CFDP1: variants seen among roughly 807,000 people sequenced by gnomAD.
CFDP1 encodes chromatin remodeling protein CFDP1, also known as heterochromatin-stabilizing protein CFDP1.
Under a neutral mutation model 40.1 loss-of-function variants are expected in CFDP1, and 31 were observed. The observed-to-expected ratio is 0.77, with a 90% confidence interval of 0.58 to 1.04. The LOEUF (loss-of-function observed/expected upper bound fraction) is 1.04. Ranked by LOEUF, CFDP1 falls within the 50% of genes least tolerant of loss-of-function variation. CFDP1 has a pLI of 0.00. For synonymous variants in CFDP1, 167 were observed against 120.0 expected (o/e 1.39, Z -2.56); for missense variants, 423 against 343.4 (o/e 1.23, Z -1.83).
intron 5 of CFDP1, among the ~76,000 whole-genome samples, chr16:75,317,538 G>T (rs574134655): frequency 2.0e-5 from 3 of 152,188 alleles, no homozygotes; most frequent in African/African-American, 7.2e-5. Flanking sequence ...CCTGAGGTGC[G>T]AACTGCTGTT....
chr16:75,328,809 G>C (rs2078423761), intron 5 of CFDP1, among the ~76,000 whole-genome samples: 1 of 150,448 alleles, frequency 6.6e-6, no homozygotes, highest in Non-Finnish European at 1.5e-5. Context: ...CTCCCGAGTA[G>C]CTGGGATTAC....
chr16:75,375,508 A>G (rs1278062433), intron 5 of CFDP1, among the ~76,000 whole-genome samples: 1 of 152,054 alleles, frequency 6.6e-6, no homozygotes, highest in Non-Finnish European at 1.5e-5. Context: ...AAAGACTGAC[A>G]AGGCTGGGCG....
intron 5 of CFDP1, among the ~76,000 whole-genome samples, chr16:75,333,382 C>CA (rs1003645964): frequency 3.5e-4 from 53 of 152,306 alleles, no homozygotes; most frequent in African/African-American, 1.3e-3. Context: ...CTCGGCCTCC[C>CA]AAAGTGCTGG....
At chr16:75,353,873 T>A (rs977489016) in intron 5 of CFDP1, among the ~76,000 whole-genome samples, 1 of 151,984 alleles carries the variant, frequency 6.6e-6, no homozygotes, top group East Asian at 1.9e-4. Flanking sequence ...TTTCAAACCA[T>A]TTTTCCCTTC....
intron 5 of CFDP1, among the ~76,000 whole-genome samples, chr16:75,335,275 A>G (rs1358878257): frequency 6.6e-6 from 1 of 152,200 alleles, no homozygotes; most frequent in Admixed American, 6.5e-5. Flanking sequence ...ATGTCTTGTC[A>G]GTGCCCCTTT....
At chr16:75,424,982 T>G (rs1433784456) in intron 1 of CFDP1, among the ~76,000 whole-genome samples, 1 of 150,744 alleles carries the variant, frequency 6.6e-6, no homozygotes, top group Non-Finnish European at 1.5e-5. Context: ...GGTAAATGAG[T>G]TTAGCAAGGT....
intron 5 of CFDP1, among the ~76,000 whole-genome samples, chr16:75,318,549 G>A (rs760549409): frequency 6.6e-6 from 1 of 151,976 alleles, no homozygotes; most frequent in Non-Finnish European, 1.5e-5. Flanking sequence ...GGGACTACAG[G>A]TGCATGCTGC....
Position 75,414,583 on chromosome 16 carries a change from TG to T in CFDP1, c.176del (p.Pro59GlnfsTer12). 6.2e-7 allele frequency: 1 copy of T among 1,604,986 alleles called. No homozygotes were observed. The highest frequency in any genetic ancestry group is 8.5e-7 in the Non-Finnish European group (1 of 1,171,686). ...QGKKRKAQSI[P>X]ARKRRQGGLS... Reference sequence around the variant, plus strand: ...GGCCTTGAAGGCAGCATCACCTGGCTGGAATGCTCTGGGCCTTTCTTTTTTT... The same window carrying T: ...GGCCTTGAAGGCAGCATCACCTGGCTGAATGCTCTGGGCCTTTCTTTTTTT... On this transcript the variant is annotated frameshift_variant, in exon 2 of 7. Transcript: ENST00000283882. LOFTEE classifies it high-confidence loss of function.
intron 5 of CFDP1, among the ~76,000 whole-genome samples, chr16:75,319,586 A>G (rs983613616): frequency 6.6e-5 from 10 of 152,052 alleles, no homozygotes; most frequent in African/African-American, 1.9e-4. Context: ...TCGTTTGCTC[A>G]CTCAGTTGCC....
intron 5 of CFDP1, among the ~76,000 whole-genome samples, chr16:75,388,959 G>A (rs1258099415): frequency 6.6e-6 from 1 of 151,104 alleles, no homozygotes; most frequent in African/African-American, 2.4e-5. Flanking sequence ...AAGAAAACAA[G>A]GCTAAAACTA....
At chr16:75,406,139 C>A (rs1221198752) in intron 4 of CFDP1, among the ~76,000 whole-genome samples, 3 of 151,908 alleles carry the variant, frequency 2.0e-5, no homozygotes, top group Admixed American at 2.0e-4. Flanking sequence ...CTTTGGGAGG[C>A]TAAGGCAGGA....
intron 6 of CFDP1, among the ~76,000 whole-genome samples, chr16:75,294,349 G>C (rs2078166691): frequency 6.6e-6 from 1 of 152,242 alleles, no homozygotes; most frequent in Non-Finnish European, 1.5e-5. Flanking sequence ...ATGGGTTCAA[G>C]TCCTAGCTCT....
At chr16:75,410,259 T>C (rs1046228084) in intron 4 of CFDP1, among the ~76,000 whole-genome samples, 1 of 152,024 alleles carries the variant, frequency 6.6e-6, no homozygotes, top group South Asian at 2.1e-4. Context: ...TAACTGCCTA[T>C]AAAATTATTG....
intron 5 of CFDP1, among the ~76,000 whole-genome samples, chr16:75,391,709 C>T (rs1462124504): frequency 6.6e-6 from 1 of 152,084 alleles, no homozygotes; most frequent in African/African-American, 2.4e-5. Context: ...TGTGGTGGCT[C>T]ACACCTGTAA....
rs61344775 is a variant in CFDP1 at position 75,393,737 on chromosome 16, CAAAAAAAAAAAAAAAAAAAA to C, written c.650+1333_650+1352del. ...TGGGCGACAGAGCGAGACTCCGTCG[CAAAAAAAAAAAAAAAAAAAA>C]AAAAAAAAAAAAAAAAGTGGGGCCG... On this transcript the variant is annotated intron_variant, in intron 5 of 6. Coordinates refer to ENST00000283882, the MANE Select transcript of CFDP1 (RefSeq NM_006324.3). Among the ~76,000 whole-genome samples the C allele has an allele frequency of 9.6e-4, 77 of 80,612 alleles. 1 individual carries two copies. Among genetic ancestry groups the C allele is most frequent in the Admixed American group, 2.4e-3 (16 of 6,808 alleles). 52.9% of individuals were successfully genotyped at this position (80,612 alleles called of 152,430 possible). A position where few individuals can be genotyped will look rare whatever the true frequency, so the allele number is the denominator to read the frequency against.
chr16:75,359,239 C>A (rs2078666015), intron 5 of CFDP1, among the ~76,000 whole-genome samples: 2 of 152,080 alleles, frequency 1.3e-5, no homozygotes, highest in Admixed American at 6.6e-5. Flanking sequence ...ATTTCTTATA[C>A]TATAAATAAC....
At chr16:75,376,564 A>T (rs564807212) in intron 5 of CFDP1, among the ~76,000 whole-genome samples, 1 of 152,338 alleles carries the variant, frequency 6.6e-6, no homozygotes, top group Non-Finnish European at 1.5e-5. Flanking sequence ...AAAAATCAGT[A>T]GTTGCCTGGG....
intron 5 of CFDP1, among the ~76,000 whole-genome samples, chr16:75,385,840 A>G (rs1037263278): frequency 1.3e-5 from 2 of 152,202 alleles, no homozygotes; most frequent in Non-Finnish European, 2.9e-5. Flanking sequence ...ATCTTCTTAA[A>G]TGAAGGTCTT....
chr16:75,328,295 A>G (rs2078418360), intron 5 of CFDP1, among the ~76,000 whole-genome samples: 1 of 150,620 alleles, frequency 6.6e-6, no homozygotes, highest in South Asian at 2.1e-4. Flanking sequence ...TTTAAAAGCT[A>G]GAGCGATGGC....
Sources: allele counts gnomAD v4.1 joint callset (sites outside exome capture counted in the v4.1 genomes callset), GRCh38; gene constraint gnomAD v4.1.1; transcripts MANE v1.5; gene names NCBI Gene and HGNC (gene_info 2026-07-23, HGNC 2026-07-21).